Variants in VWA8 observed in about 807,000 individuals in gnomAD.
VWA8 encodes von Willebrand factor A domain containing 8.
In VWA8, 221 loss-of-function variants were observed where a neutral mutation model predicts 241.5. That is an observed-to-expected ratio of 0.91 (90% CI 0.82 to 1.02). The LOEUF (loss-of-function observed/expected upper bound fraction) is 1.02. Ranked by LOEUF, VWA8 falls within the 50% of genes least tolerant of loss-of-function variation. The pLI is 0.00. For missense variants in VWA8, 2,322 were observed against 2,328.7 expected, an observed-to-expected ratio of 1.00 and a Z score of 0.06; for synonymous variants, 852 against 827.1, an observed-to-expected ratio of 1.03 and a Z score of -0.52.
intron 43 of VWA8, among the ~76,000 whole-genome samples, chr13:41,571,303 T>TCTCCCTC (rs1273504973): frequency 6.9e-6 from 1 of 144,626 alleles, no homozygotes; most frequent in East Asian, 2.0e-4. Flanking sequence ...CCCGTCTCCC[T>TCTCCCTC]CTCCCTCCTC....
intron 20 of VWA8, among the ~76,000 whole-genome samples, chr13:41,777,417 C>T (rs1226886704): frequency 6.6e-6 from 1 of 152,080 alleles, no homozygotes; most frequent in South Asian, 2.1e-4. Flanking sequence ...AGATAAGTAA[C>T]TGAATAGATA....
chr13:41,819,320 G>A lies in VWA8; in HGVS notation c.1767C>T (p.Ser589=), dbSNP rs528201293. 2 of 1,613,060 alleles carry A rather than the reference G, an allele frequency of 1.2e-6. No homozygotes were observed. Among genetic ancestry groups the A allele is most frequent in the African/African-American group, 2.7e-5 (2 of 74,848 alleles). Residue 589 remains serine (S), a synonymous_variant, in exon 15 of 45, where the codon AGC becomes AGT. Coordinates refer to ENST00000379310, the MANE Select transcript of VWA8 (RefSeq NM_015058.2). ...IALAEPPVIG[S]TAHQWLGPEF... ...CTGGTCCCAGCCACTGGTGTGCTGTGCTTCCAATAACAGGGGGTTCTGCCA... is the reference window on the plus strand; with the variant it reads ...CTGGTCCCAGCCACTGGTGTGCTGTACTTCCAATAACAGGGGGTTCTGCCA...
chr13:41,636,406 C>A (rs1043408101), intron 37 of VWA8, among the ~76,000 whole-genome samples: 3 of 152,118 alleles, frequency 2.0e-5, no homozygotes, highest in African/African-American at 7.2e-5. Flanking sequence ...CCCTTCCTTA[C>A]ACCTTGTACA....
chr13:41,882,551 C>G (rs1330638552), intron 9 of VWA8, among the ~76,000 whole-genome samples: 1 of 152,268 alleles, frequency 6.6e-6, no homozygotes, highest in African/African-American at 2.4e-5. Flanking sequence ...TCTGCAATCC[C>G]AGCACCCCGG....
At position 41,887,322 on chromosome 13, in the gene VWA8, G is replaced by A. The variant is rs759964690; in HGVS notation, c.691C>T (p.Arg231Ter). The A allele has an allele frequency of 4.3e-6, 7 of 1,612,578 alleles. No individual in the cohort carries two copies. Among genetic ancestry groups the A allele is most frequent in the Admixed American group, 3.4e-5 (2 of 59,626 alleles). ...ATCACTCGGAAATTTTCACTAACTC[G>A]GACAATTTTCCAAGAATCCAACTCT... is the stretch of plus-strand genomic sequence containing the variant. ...KKELDSWKIV[R>*]VSENFRVIAL... Residue 231 changes from arginine (R) to a stop codon, truncating the protein, a stop_gained, in exon 6 of 45, where the codon CGA becomes TGA. Coordinates refer to ENST00000379310, the MANE Select transcript of VWA8 (RefSeq NM_015058.2). LOFTEE classifies it high-confidence loss of function.
At chr13:41,572,847 C>T (rs1470168390) in intron 43 of VWA8, among the ~76,000 whole-genome samples, 6 of 149,390 alleles carry the variant, frequency 4.0e-5, no homozygotes, top group East Asian at 2.0e-4. Flanking sequence ...CGGTGGCTCA[C>T]GTCTGTGGTC....
intron 14 of VWA8, among the ~76,000 whole-genome samples, chr13:41,823,163 C>A (rs1179269868): frequency 6.6e-6 from 1 of 151,970 alleles, no homozygotes; most frequent in African/African-American, 2.4e-5. Flanking sequence ...CAAAGAAATA[C>A]CAAGATTTCT....
intron 42 of VWA8, among the ~76,000 whole-genome samples, chr13:41,584,445 G>T (rs922603183): frequency 2.0e-5 from 3 of 152,032 alleles, no homozygotes; most frequent in African/African-American, 7.2e-5. Flanking sequence ...TGCCTTGCTG[G>T]GTCCACCTTG....
intron 26 of VWA8, 143 bp from the exon 27 acceptor site, chr13:41,703,554 G>A (rs1339327033): frequency 7.7e-6 from 5 of 646,438 alleles, no homozygotes; most frequent in East Asian, 2.7e-5. Context: ...TTTATTAAAC[G>A]ACAGTGTATA....
At chr13:41,874,162 T>C (rs1296668294) in intron 9 of VWA8, among the ~76,000 whole-genome samples, 2 of 151,394 alleles carry the variant, frequency 1.3e-5, no homozygotes. Context: ...TCTCAATAAA[T>C]TAGGTATTGA....
intron 37 of VWA8, among the ~76,000 whole-genome samples, chr13:41,628,807 C>T (rs964784347): frequency 6.6e-6 from 1 of 152,094 alleles, no homozygotes; most frequent in Non-Finnish European, 1.5e-5. Context: ...CTTTGGGAGG[C>T]CAAGGTGGGC....
intron 29 of VWA8, among the ~76,000 whole-genome samples, chr13:41,694,807 G>T (rs1215502522): frequency 9.2e-5 from 14 of 152,124 alleles, no homozygotes; most frequent in South Asian, 2.1e-4. Context: ...AGCAGAAAAA[G>T]AAGTTAGTAT....
At chr13:41,833,332 GGT>G in intron 13 of VWA8, 37 bp downstream of exon 13, 1 of 1,563,312 alleles carries the variant, frequency 6.4e-7, no homozygotes, top group Non-Finnish European at 8.6e-7. Flanking sequence ...GTCAGAGTGG[GGT>G]GTGTGTCTGT....
intron 37 of VWA8, among the ~76,000 whole-genome samples, chr13:41,649,689 T>A (rs534071555): frequency 3.8e-4 from 58 of 152,268 alleles, no homozygotes; most frequent in African/African-American, 1.4e-3. Context: ...TGTTATTTTT[T>A]TCTACTGAAA....
chr13:41,600,216 G>A (rs973081037), intron 40 of VWA8, among the ~76,000 whole-genome samples: 1 of 152,092 alleles, frequency 6.6e-6, no homozygotes, highest in Non-Finnish European at 1.5e-5. Context: ...CTGACGTGGG[G>A]TTTTCAATAT....
At chr13:41,936,236 G>C (rs1329341606) in intron 2 of VWA8, among the ~76,000 whole-genome samples, 1 of 152,132 alleles carries the variant, frequency 6.6e-6, no homozygotes, top group Non-Finnish European at 1.5e-5. Context: ...AGTGATGTAT[G>C]AAAGTTTGCT....
intron 21 of VWA8, among the ~76,000 whole-genome samples, chr13:41,748,433 T>C (rs1487836601): frequency 3.3e-5 from 5 of 152,198 alleles, no homozygotes; most frequent in Non-Finnish European, 7.3e-5. Context: ...TTCTGTGGGA[T>C]TGGTGGCGAT....
At chr13:41,960,778 G>A in intron 1 of VWA8, 75 bp downstream of exon 1, 4 of 1,449,762 alleles carry the variant, frequency 2.8e-6, no homozygotes, top group Non-Finnish European at 3.6e-6. Context: ...CAACAGAGAG[G>A]AGGGGCGGGG....
At chr13:41,599,420 TA>T (rs1055473237) in intron 40 of VWA8, among the ~76,000 whole-genome samples, 2 of 152,180 alleles carry the variant, frequency 1.3e-5, no homozygotes, top group African/African-American at 4.8e-5. Context: ...AGATGTTTTC[TA>T]AAAATTTTGT....
Sources: allele counts gnomAD v4.1 joint callset (sites outside exome capture counted in the v4.1 genomes callset), GRCh38; gene constraint gnomAD v4.1.1; transcripts MANE v1.5; gene names NCBI Gene and HGNC (gene_info 2026-07-23, HGNC 2026-07-21).